The following FANCL variants were observed in gnomAD, a reference collection of about 807,000 sequenced individuals.
FANCL encodes E3 ubiquitin-protein ligase FANCL.
A neutral mutation model predicts 59.4 loss-of-function variants in FANCL; 69 were observed. That is an observed-to-expected ratio of 1.16 (90% CI 0.96 to 1.42). FANCL has a LOEUF of 1.42. FANCL is among the 40% of genes most tolerant of loss of function. The pLI is 0.00. For synonymous variants in FANCL, 180 were observed against 147.1 expected, an observed-to-expected ratio of 1.22 and a Z score of -1.62; for missense variants, 519 against 447.2, an observed-to-expected ratio of 1.16 and a Z score of -1.45.
chr2:58,177,425 T>C (rs1368558789), intron 7 of FANCL, among the ~76,000 whole-genome samples: 1 of 152,042 alleles, frequency 6.6e-6, no homozygotes, highest in African/African-American at 2.4e-5. Context: ...ACGTGGCACA[T>C]ATACACCATG....
At chr2:58,229,619 G>A (rs1412540511) in intron 3 of FANCL, among the ~76,000 whole-genome samples, 195 bp downstream of exon 3, 1 of 152,232 alleles carries the variant, frequency 6.6e-6, no homozygotes, top group Non-Finnish European at 1.5e-5. Context: ...GATGGAAATC[G>A]ATTTCAACAC....
At chr2:58,189,764 C>A (rs1395170867) in intron 7 of FANCL, among the ~76,000 whole-genome samples, 1 of 151,948 alleles carries the variant, frequency 6.6e-6, no homozygotes, top group Non-Finnish European at 1.5e-5. Flanking sequence ...ACTATTATTT[C>A]CAGTATTTTA....
chr2:58,163,742 T>C lies in FANCL; in HGVS notation c.692-225A>G, dbSNP rs937743649. 1.3e-5 allele frequency among the ~76,000 whole-genome samples: 2 copies of C among 152,010 alleles called. 1 individual carries two copies. Among genetic ancestry groups the C allele is most frequent in the South Asian group, 4.1e-4 (2 of 4,838 alleles). The stretch of plus-strand genomic sequence containing the variant: ...TCTTAAATTTCAGCCAGTCAACAAA[T>C]TGATATATTTAATTAGATTGCAATT... On this transcript the variant is annotated intron_variant, in intron 8 of 13. Transcript: ENST00000233741.
At chr2:58,164,983 G>C (rs974966676) in intron 8 of FANCL, among the ~76,000 whole-genome samples, 4 of 152,018 alleles carry the variant, frequency 2.6e-5, no homozygotes, top group Non-Finnish European at 5.9e-5. Context: ...ATTCACATCA[G>C]AATTTCAAAA....
chr2:58,195,436 T>C (rs1689332731), intron 7 of FANCL, among the ~76,000 whole-genome samples: 1 of 152,122 alleles, frequency 6.6e-6, no homozygotes, highest in African/African-American at 2.4e-5. Context: ...TATAAGCATA[T>C]AGAATATAGG....
At chr2:58,221,790 CTCTT>C in intron 5 of FANCL, 148 bp downstream of exon 5, 1 of 595,250 alleles carries the variant, frequency 1.7e-6, no homozygotes, top group Non-Finnish European at 2.9e-6. Context: ...TGATATCCCT[CTCTT>C]TAATTCACAG....
chr2:58,226,146 T>C (rs1027427372), intron 4 of FANCL, among the ~76,000 whole-genome samples: 4 of 152,088 alleles, frequency 2.6e-5, no homozygotes, highest in Non-Finnish European at 5.9e-5. Context: ...TGGCAAAATG[T>C]TAAAATTTGG....
At chr2:58,197,032 A>T (rs1689503278) in intron 7 of FANCL, among the ~76,000 whole-genome samples, 2 of 150,850 alleles carry the variant, frequency 1.3e-5, no homozygotes, top group South Asian at 4.2e-4. Flanking sequence ...TCTTTAATAG[A>T]AAAAAAAATC....
intron 5 of FANCL, among the ~76,000 whole-genome samples, chr2:58,217,207 TATATATATACACAC>T (rs1419642326): frequency 0.016 from 170 of 10,616 alleles, no homozygotes; most frequent in East Asian, 0.04. Context: ...TATATATATA[TATATATATACACAC>T]ACACACACAC....
intron 6 of FANCL, among the ~76,000 whole-genome samples, chr2:58,202,430 A>G (rs1314654355): frequency 6.6e-6 from 1 of 151,622 alleles, no homozygotes; most frequent in Non-Finnish European, 1.5e-5. Context: ...TATGGTGTAT[A>G]TATGAAAGCT....
intron 8 of FANCL, 79 bp downstream of exon 8, chr2:58,165,645 C>G: frequency 6.4e-7 from 1 of 1,568,458 alleles, no homozygotes. Context: ...AGTCTGAGTC[C>G]AACTGTCATT....
In FANCL at chr2:58,159,662, TGTTA is replaced by T. The variant is rs754336239; in HGVS notation, c.*99_*102del. On this transcript the variant is annotated 3_prime_UTR_variant, in exon 14 of 14. Coordinates refer to ENST00000233741, the MANE Select transcript of FANCL (RefSeq NM_018062.4). Reference sequence around the variant, plus strand: ...CGCATCATCATACCTGTCCTTTTGATGTTAGTATTTCTTGCTTTATTTTTTCTCT... The same window carrying T: ...CGCATCATCATACCTGTCCTTTTGATGTATTTCTTGCTTTATTTTTTCTCT... 3.1e-6 allele frequency: 5 copies of T among 1,613,204 alleles called. No homozygotes were observed. The highest frequency in any genetic ancestry group is 1.3e-5 in the African/African-American group (1 of 74,872).
chr2:58,176,645 A>T (rs1190494683), intron 7 of FANCL, among the ~76,000 whole-genome samples: 1 of 152,224 alleles, frequency 6.6e-6, no homozygotes. Context: ...TGGATTAAAG[A>T]CTTAAACGTT....
At chr2:58,183,881 A>G (rs750243016) in intron 7 of FANCL, among the ~76,000 whole-genome samples, 6 of 152,022 alleles carry the variant, frequency 3.9e-5, no homozygotes, top group Non-Finnish European at 5.9e-5. Flanking sequence ...CAAGGAAATC[A>G]CAGCTCTCAT....
intron 5 of FANCL, among the ~76,000 whole-genome samples, chr2:58,217,477 G>A (rs1691963022): frequency 6.6e-6 from 1 of 151,268 alleles, no homozygotes; most frequent in Admixed American, 6.6e-5. Flanking sequence ...TTTCAATACA[G>A]CATTAAAATC....
intron 7 of FANCL, among the ~76,000 whole-genome samples, chr2:58,168,174 G>A (rs754164758): frequency 3.3e-5 from 5 of 152,074 alleles, no homozygotes; most frequent in Non-Finnish European, 7.4e-5. Context: ...TGGCCAAACA[G>A]GAACAGCTCC....
chr2:58,184,150 C>T (rs534070331), intron 7 of FANCL, among the ~76,000 whole-genome samples: 1 of 152,062 alleles, frequency 6.6e-6, no homozygotes, highest in East Asian at 1.9e-4. Flanking sequence ...ATTACCAATT[C>T]TTGTTTATAA....
intron 5 of FANCL, among the ~76,000 whole-genome samples, chr2:58,216,823 T>C (rs62140047): frequency 0.052 from 7,953 of 151,762 alleles, 308 homozygotes; most frequent in African/African-American, 0.099. Context: ...GTAGTTCTCC[T>C]TACCGCCCAG....
At chr2:58,211,415 C>T (rs1322120295) in intron 5 of FANCL, among the ~76,000 whole-genome samples, 1 of 152,144 alleles carries the variant, frequency 6.6e-6, no homozygotes, top group African/African-American at 2.4e-5. Context: ...ACTTTTTCCT[C>T]CTACACCTCC....
Sources: allele counts gnomAD v4.1 joint callset (sites outside exome capture counted in the v4.1 genomes callset), GRCh38; gene constraint gnomAD v4.1.1; transcripts MANE v1.5; gene names NCBI Gene and HGNC (gene_info 2026-07-23, HGNC 2026-07-21).